RNF17: variants seen among roughly 807,000 people sequenced by gnomAD.
RNF17 encodes ring finger protein 17, also known as spermatogenesis associated 23.
Under a neutral mutation model 200.5 loss-of-function variants are expected in RNF17, and 31 were observed. The ratio of observed to expected loss-of-function variants is 0.15; its 90% CI spans 0.12 to 0.21. RNF17 has a LOEUF of 0.21. RNF17 is among the 10% of genes least tolerant of loss of function. The probability of loss-of-function intolerance (pLI) is 1.00; values close to 1 mark genes in which losing one functional copy is unlikely to be tolerated. For synonymous variants in RNF17, 606 were observed against 637.8 expected (o/e 0.95, Z 0.75); for missense variants, 1,628 against 1,905.1 (o/e 0.85, Z 2.71).
intron 14 of RNF17, chr13:24,803,774 G>A (rs1435229901): frequency 6.5e-6 from 1 of 153,774 alleles, no homozygotes; most frequent in African/African-American, 2.4e-5. Flanking sequence ...ACAAAAAATA[G>A]AAGCAGCTTT....
rs367549970 is a variant in RNF17, at chr13:24,814,291, G to A, written c.2091+9862G>A. On this transcript the variant is annotated intron_variant, in intron 15 of 35. Transcript: ENST00000255324. ...ATAATTGGAACTGCGTAGTTCAAAG[G>A]CGTGTTCCAAGGCTGGCTGTATTTT... is the stretch of plus-strand genomic sequence containing the variant. 4.6e-5 allele frequency among the ~76,000 whole-genome samples: 7 copies of A among 152,238 alleles called. No individual in the cohort carries two copies. The East Asian group carries it at 7.8e-4, about 17-fold the overall frequency.
chr13:24,809,385 G>C (rs963496376), intron 15 of RNF17, among the ~76,000 whole-genome samples: 12 of 151,862 alleles, frequency 7.9e-5, no homozygotes, highest in African/African-American at 2.9e-4. Flanking sequence ...AGAGTGTGTC[G>C]AGGAATTTAT....
intron 26 of RNF17, among the ~76,000 whole-genome samples, chr13:24,860,859 A>C (rs1893019371): frequency 6.6e-6 from 1 of 151,414 alleles, no homozygotes; most frequent in African/African-American, 2.4e-5. Context: ...TTTGAAATCC[A>C]GATTTTAAAC....
chr13:24,814,093 G>A (rs1887101903), intron 15 of RNF17, among the ~76,000 whole-genome samples: 1 of 152,046 alleles, frequency 6.6e-6, no homozygotes, highest in Non-Finnish European at 1.5e-5. Context: ...AAGTAAGCTA[G>A]AGAAAAAGTG....
chr13:24,753,729 T>C, the RNF17 span, among the ~76,000 whole-genome samples: 1 of 152,246 alleles, frequency 6.6e-6, no homozygotes, highest in Non-Finnish European at 1.5e-5. Context: ...GAAATCAATA[T>C]AGAGGATCTT....
At chr13:24,803,808 C>G (rs1253830777) in intron 14 of RNF17, 1 of 155,728 alleles carries the variant, frequency 6.4e-6, no homozygotes, top group African/African-American at 2.4e-5. Context: ...ACATGAAAGC[C>G]TAGCTCTAAA....
chr13:24,782,891 A>C (rs1218328300), intron 6 of RNF17, among the ~76,000 whole-genome samples: 2 of 152,174 alleles, frequency 1.3e-5, no homozygotes, highest in Non-Finnish European at 1.5e-5. Flanking sequence ...TTTGATCCAC[A>C]AAAGTTTTTA....
chr13:24,809,040 G>A (rs1262501837), intron 15 of RNF17, among the ~76,000 whole-genome samples: 4 of 151,288 alleles, frequency 2.6e-5, no homozygotes, highest in East Asian at 2.0e-4. Flanking sequence ...TGCTGGATTC[G>A]GTTTGCCAGT....
At chr13:24,777,774 T>G (rs1740207022) in intron 3 of RNF17, among the ~76,000 whole-genome samples, 1 of 152,204 alleles carries the variant, frequency 6.6e-6, no homozygotes. Flanking sequence ...TAAGCCATTA[T>G]TTTTGGAATT....
intron 15 of RNF17, among the ~76,000 whole-genome samples, chr13:24,810,099 GA>G (rs1275536994): frequency 2.3e-4 from 35 of 150,486 alleles, no homozygotes; most frequent in African/African-American, 8.3e-4. Flanking sequence ...GTGTGGTGCT[GA>G]AAAAAATGTA....
chr13:24,884,486 T>C (rs1184658094), downstream of RNF17: 2 of 1,613,232 alleles, frequency 1.2e-6, no homozygotes, highest in Middle Eastern at 1.6e-4. Flanking sequence ...CACAAGATTA[T>C]CACCTAAGAT....
intron 15 of RNF17, among the ~76,000 whole-genome samples, chr13:24,812,776 G>T (rs547613741): frequency 6.7e-6 from 1 of 149,882 alleles, no homozygotes; most frequent in Non-Finnish European, 1.5e-5. Flanking sequence ...CTGCCTCCTG[G>T]GTTCACGCCA....
chr13:24,748,375 G>A, the RNF17 span, among the ~76,000 whole-genome samples: 2 of 152,320 alleles, frequency 1.3e-5, no homozygotes, highest in East Asian at 3.9e-4. Flanking sequence ...ACTTAGAAAT[G>A]GGTTTGAATA....
intron 1 of RNF17, among the ~76,000 whole-genome samples, chr13:24,764,614 ACTC>A (rs1396475022): frequency 6.6e-6 from 1 of 151,960 alleles, no homozygotes; most frequent in South Asian, 2.1e-4. Flanking sequence ...GCTTTAATCT[ACTC>A]CTCACAAGGC....
chr13:24,789,603 T>G, intron 8 of RNF17, 95 bp from the exon 9 acceptor site: 1 of 934,990 alleles, frequency 1.1e-6, no homozygotes, highest in Non-Finnish European at 1.7e-6. Context: ...AAATGTTTCC[T>G]TTTCAATTCA....
intron 9 of RNF17, among the ~76,000 whole-genome samples, chr13:24,792,212 ATCT>A (rs1482505834): frequency 6.6e-6 from 1 of 152,170 alleles, no homozygotes; most frequent in African/African-American, 2.4e-5. Context: ...ATCTGTACTG[ATCT>A]TCTACTTTAA....
At chr13:24,848,910 AGAACTCT>A (rs1457394555) in intron 22 of RNF17, among the ~76,000 whole-genome samples, 1 of 152,212 alleles carries the variant, frequency 6.6e-6, no homozygotes, top group African/African-American at 2.4e-5. Flanking sequence ...TTAGCACATA[AGAACTCT>A]CTCTGGGCTT....
chr13:24,879,041 A>G (rs1311186586), intron 34 of RNF17, 146 bp from the exon 35 acceptor site: 4 of 606,864 alleles, frequency 6.6e-6, no homozygotes, highest in Non-Finnish European at 1.2e-5. Context: ...GGAAACCACT[A>G]CAGATGCCTT....
downstream of RNF17, among the ~76,000 whole-genome samples, chr13:24,880,728 G>A (rs1169145831): frequency 2.0e-5 from 3 of 152,108 alleles, no homozygotes; most frequent in African/African-American, 7.2e-5. Context: ...CATAGTGATG[G>A]AATTTGCTGG....
Sources: gnomAD v4.1 joint callset for allele counts (sites outside exome capture counted in the v4.1 genomes callset) on GRCh38, gnomAD v4.1.1 for gene constraint, MANE v1.5 for transcripts, NCBI Gene and HGNC (gene_info 2026-07-23, HGNC 2026-07-21) for gene names.